MTERF4: variants seen among roughly 807,000 people sequenced by gnomAD.
MTERF4 encodes mitochondrial transcription termination factor 4, also known as transcription termination factor 4, mitochondrial.
Under a neutral mutation model 22.5 loss-of-function variants are expected in MTERF4, and 17 were observed. The ratio of observed to expected loss-of-function variants is 0.75; its 90% CI spans 0.52 to 1.13. MTERF4 has a LOEUF of 1.13. Among genes scored for constraint, MTERF4 ranks in the 50% most tolerant of loss-of-function variants. The pLI, the probability that MTERF4 is intolerant of heterozygous loss-of-function variation, is 0.00. For missense variants in MTERF4, 420 were observed against 466.8 expected (o/e 0.90, Z 0.92); for synonymous variants, 165 against 175.3 (o/e 0.94, Z 0.47).
the MTERF4 span, among the ~76,000 whole-genome samples, chr2:241,067,070 G>A: frequency 1.3e-4 from 20 of 152,238 alleles, no homozygotes; most frequent in Non-Finnish European, 2.1e-4. Flanking sequence ...CTGCAAGGCC[G>A]CCCCATGTGA....
At chr2:241,047,486 T>TA in the MTERF4 span, among the ~76,000 whole-genome samples, 1 of 152,222 alleles carries the variant, frequency 6.6e-6, no homozygotes, top group Non-Finnish European at 1.5e-5. Context: ...GGGCTTGGCC[T>TA]ACTTGGCATT....
downstream of MTERF4, among the ~76,000 whole-genome samples, chr2:241,068,540 CGTT>C (rs527305216): frequency 5.9e-4 from 89 of 152,070 alleles, no homozygotes; most frequent in Admixed American, 9.8e-4. The surrounding 1 kb of genome is among the most constrained non-coding windows in gnomAD (Gnocchi z 5.3). Context: ...ATTGGCCTCA[CGTT>C]GTCCTGTGGT....
chr2:241,071,685 C>A (rs1259212980), downstream of MTERF4: 1 of 1,539,620 alleles, frequency 6.5e-7, no homozygotes, highest in Non-Finnish European at 8.7e-7. Flanking sequence ...TGCTCAATGA[C>A]CACAGCGCCC....
At chr2:241,095,129 C>G (rs921308799), downstream of MTERF4, 4 of 152,122 alleles carry the variant, frequency 2.6e-5, no homozygotes, top group African/African-American at 9.7e-5. Context: ...CTTCAGCCCA[C>G]CTGCTCCATG....
At chr2:241,047,672 T>G in the MTERF4 span, among the ~76,000 whole-genome samples, 1 of 152,268 alleles carries the variant, frequency 6.6e-6, no homozygotes, top group South Asian at 2.1e-4. Context: ...TAGGGATGCC[T>G]GACCAGAAAC....
At chr2:241,057,985 T>TATGATAGAA in the MTERF4 span, among the ~76,000 whole-genome samples, 1 of 151,834 alleles carries the variant, frequency 6.6e-6, no homozygotes, top group East Asian at 1.9e-4. Flanking sequence ...ATAGAAAAAA[T>TATGATAGAA]ACAAATATGA....
chr2:241,067,342 G>C (rs2062498872), downstream of MTERF4, among the ~76,000 whole-genome samples: 1 of 152,208 alleles, frequency 6.6e-6, no homozygotes, highest in Non-Finnish European at 1.5e-5. Context: ...CTGTATGTCT[G>C]TCCTCCTAAG....
chr2:241,079,658 AAAAAG>A (rs1216555681), intron 4 of MTERF4, among the ~76,000 whole-genome samples: 3 of 152,154 alleles, frequency 2.0e-5, no homozygotes, highest in Non-Finnish European at 4.4e-5. Context: ...TAAAAACAAT[AAAAAG>A]AAAAGGCAAC....
chr2:241,052,191 A>G, the MTERF4 span: 6 of 1,574,838 alleles, frequency 3.8e-6, no homozygotes, highest in Non-Finnish European at 5.2e-6. Context: ...CAGGGCGGCC[A>G]GGGGTGAACC....
the MTERF4 span, chr2:241,062,941 C>G: frequency 2.2e-6 from 3 of 1,351,732 alleles, no homozygotes; most frequent in African/African-American, 4.3e-5. Flanking sequence ...GTGACAGCTG[C>G]AGCACACTGG....
At chr2:241,064,071 G>T in the MTERF4 span, 1 of 1,570,058 alleles carries the variant, frequency 6.4e-7, no homozygotes, top group Non-Finnish European at 8.6e-7. This position sits in a 1 kb window ranked among gnomAD's most constrained non-coding sequence, Gnocchi z 7.0. Context: ...GAGCGGCGGC[G>T]GGGCCTACCT....
chr2:241,052,197 G>A, the MTERF4 span: 1 of 1,561,510 alleles, frequency 6.4e-7, no homozygotes, highest in South Asian at 1.1e-5. Context: ...GGCCAGGGGT[G>A]AACCCTCTCT....
chr2:241,087,684 G>A, downstream of MTERF4: 2 of 1,367,852 alleles, frequency 1.5e-6, no homozygotes, highest in Non-Finnish European at 9.4e-7. Flanking sequence ...GGCACAGCCG[G>A]GCATGCTGGG....
intron 4 of MTERF4, among the ~76,000 whole-genome samples, chr2:241,081,455 C>G (rs184871707): frequency 2.6e-4 from 40 of 152,314 alleles, no homozygotes; most frequent in Non-Finnish European, 1.9e-4. Flanking sequence ...GAGGTCAGGG[C>G]CGAGCACACT....
At chr2:241,067,341 T>C (rs79881797), downstream of MTERF4, among the ~76,000 whole-genome samples, 31,452 of 152,250 alleles carry the variant, frequency 0.21, 3,607 homozygotes, top group Middle Eastern at 0.31. Context: ...TCTGTATGTC[T>C]GTCCTCCTAA....
At chr2:241,078,777 A>G (rs1362649388) in intron 4 of MTERF4, among the ~76,000 whole-genome samples, 2 of 151,794 alleles carry the variant, frequency 1.3e-5, no homozygotes, top group Non-Finnish European at 2.9e-5. Flanking sequence ...CTTTGGGTGA[A>G]TTTTATGTTA....
At chr2:241,078,771 G>C (rs1008932458) in intron 4 of MTERF4, among the ~76,000 whole-genome samples, 2 of 151,746 alleles carry the variant, frequency 1.3e-5, no homozygotes, top group African/African-American at 2.4e-5. Flanking sequence ...TGTACACTTT[G>C]GGTGAATTTT....
At chr2:241,048,262 C>T in the MTERF4 span, 36 of 1,520,650 alleles carry the variant, frequency 2.4e-5, no homozygotes, top group African/African-American at 4.6e-4. Flanking sequence ...GCGGGGAGAC[C>T]ACTCTCCCCA....
chr2:241,062,982 C>T, the MTERF4 span: 1 of 933,980 alleles, frequency 1.1e-6, no homozygotes, highest in Non-Finnish European at 1.6e-6. Flanking sequence ...GTCCCCCGGA[C>T]AGGTCTCTGT....
Sources: allele counts gnomAD v4.1 joint callset (sites outside exome capture counted in the v4.1 genomes callset), GRCh38; gene constraint gnomAD v4.1.1; non-coding constraint Gnocchi (gnomAD v3.1); transcripts MANE v1.5; gene names NCBI Gene and HGNC (gene_info 2026-07-23, HGNC 2026-07-21).